PIGU: variants seen among roughly 807,000 people sequenced by gnomAD.
PIGU encodes phosphatidylinositol glycan anchor biosynthesis class U, also known as GPI-anchor transamidase component PIGU.
In PIGU, 24 loss-of-function variants were observed where a neutral mutation model predicts 49.9. The observed-to-expected ratio is 0.48, with a 90% CI of 0.35 to 0.68. The LOEUF (loss-of-function observed/expected upper bound fraction) is 0.68. PIGU is among the 30% of genes least tolerant of loss of function. The pLI, the probability that PIGU is intolerant of heterozygous loss-of-function variation, is 0.01. For synonymous variants in PIGU, 220 were observed against 205.7 expected, an observed-to-expected ratio of 1.07 and a Z score of -0.59; for missense variants, 490 against 532.6, an observed-to-expected ratio of 0.92 and a Z score of 0.79.
chr20:34,589,168 CAT>C (rs1983840805), intron 7 of PIGU, among the ~76,000 whole-genome samples: 2 of 150,288 alleles, frequency 1.3e-5, no homozygotes, highest in Admixed American at 6.6e-5. Flanking sequence ...TTTCATAAAA[CAT>C]AGATTAGAAG....
At chr20:34,596,972 C>T (rs1984224820) in intron 7 of PIGU, among the ~76,000 whole-genome samples, 1 of 152,092 alleles carries the variant, frequency 6.6e-6, no homozygotes, top group Admixed American at 6.6e-5. Context: ...GAATTGCCAA[C>T]ATTAAAAAGA....
rs144583226 is a variant in PIGU, at chr20:34,586,720, G to A, written c.783-1140C>T. Among the ~76,000 whole-genome samples the A allele has an allele frequency of 3.3e-3, 499 of 152,286 alleles. 1 individual carries two copies. Among genetic ancestry groups the A allele is most frequent in the African/African-American group, 0.011 (472 of 41,556 alleles). On this transcript the variant is annotated intron_variant, in intron 8 of 11. Transcript: ENST00000217446. ...AATTCATGAATATAAACTCAGACAA[G>A]CCTGCAATACTCAAGTCCATTTGAG...
intron 7 of PIGU, among the ~76,000 whole-genome samples, chr20:34,612,307 G>A (rs1432714972): frequency 6.6e-6 from 1 of 152,108 alleles, no homozygotes; most frequent in East Asian, 1.9e-4. Flanking sequence ...TGAACAATGG[G>A]AACACATGGA....
At chr20:34,564,768 C>T (rs1231579813) in intron 11 of PIGU, among the ~76,000 whole-genome samples, 2 of 152,186 alleles carry the variant, frequency 1.3e-5, no homozygotes, top group African/African-American at 4.8e-5. Flanking sequence ...GGTGGACTCC[C>T]GCTGGTGGGT....
At position 34,637,819 on chromosome 20, in the gene PIGU, C is replaced by A. The variant is rs1393986459; in HGVS notation, c.428+57G>T. On this transcript the variant is annotated intron_variant, in intron 5 of 11. Coordinates refer to ENST00000217446, the MANE Select transcript of PIGU (RefSeq NM_080476.5). ...TACAACAAACAACATGGGAAAGTCT[C>A]ATCAGATTTTCCTCGCATTTGTTGG... 65 of 1,591,734 alleles carry A rather than the reference C, an allele frequency of 4.1e-5. No homozygotes were observed. The Admixed American group carries it at 1.2e-3, about 29-fold the overall frequency.
chr20:34,588,288 G>A (rs371529400), intron 8 of PIGU, among the ~76,000 whole-genome samples, 165 bp downstream of exon 8: 2 of 152,064 alleles, frequency 1.3e-5, no homozygotes, highest in African/African-American at 4.8e-5. Flanking sequence ...GTAAGTAGCC[G>A]GAAGTGGGAT....
At chr20:34,616,348 C>T (rs148741910) in intron 6 of PIGU, among the ~76,000 whole-genome samples, 139 of 152,308 alleles carry the variant, frequency 9.1e-4, no homozygotes, top group African/African-American at 2.9e-3. Flanking sequence ...TCAAAACCAT[C>T]TACCTTTGGC....
intron 6 of PIGU, among the ~76,000 whole-genome samples, chr20:34,630,334 T>A (rs1985661081): frequency 1.3e-5 from 2 of 151,978 alleles, no homozygotes; most frequent in South Asian, 4.2e-4. Context: ...TTAAATAAAG[T>A]CTCCAGACTG....
At chr20:34,591,130 G>A (rs983971162) in intron 7 of PIGU, among the ~76,000 whole-genome samples, 1 of 151,924 alleles carries the variant, frequency 6.6e-6, no homozygotes, top group Non-Finnish European at 1.5e-5. Flanking sequence ...AGCTAGTGTG[G>A]TTATACTATT....
chr20:34,645,212 G>C (rs1330786282), intron 3 of PIGU, 63 bp downstream of exon 3: 1 of 1,364,086 alleles, frequency 7.3e-7, no homozygotes, highest in South Asian at 1.5e-5. Flanking sequence ...AAGAGAGAGA[G>C]AGACAATAAA....
rs144247620 is a variant in PIGU at position 34,607,765 on chromosome 20, G to A, written c.627+8277C>T. ...CATGAGTACCCCACTAGACATTGCT[G>A]TGGGACTGCACAGAGTTGTGCACAG... On this transcript the variant is annotated intron_variant, in intron 7 of 11. Coordinates refer to ENST00000217446, the MANE Select transcript of PIGU (RefSeq NM_080476.5). 3.1e-3 allele frequency among the ~76,000 whole-genome samples: 453 copies of A among 147,658 alleles called. 2 individuals carry two copies. Among genetic ancestry groups the A allele is most frequent in the African/African-American group, 0.01 (431 of 41,254 alleles).
intron 1 of PIGU, among the ~76,000 whole-genome samples, chr20:34,673,418 C>T (rs532104750): frequency 6.6e-6 from 1 of 152,132 alleles, no homozygotes; most frequent in African/African-American, 2.4e-5. Context: ...GATGTTGTAC[C>T]TTCCCTCCCA....
At chr20:34,629,608 A>G (rs1985624582) in intron 6 of PIGU, among the ~76,000 whole-genome samples, 1 of 152,200 alleles carries the variant, frequency 6.6e-6, no homozygotes, top group South Asian at 2.1e-4. Flanking sequence ...TGACTTACAG[A>G]TGTATGATCT....
At chr20:34,583,881 A>G (rs1013966730) in intron 9 of PIGU, among the ~76,000 whole-genome samples, 2 of 152,238 alleles carry the variant, frequency 1.3e-5, no homozygotes, top group Admixed American at 6.5e-5. Context: ...TGCACAGACC[A>G]TGGAGAATGG....
At chr20:34,583,462 G>A (rs1003130623) in intron 9 of PIGU, among the ~76,000 whole-genome samples, 2 of 152,226 alleles carry the variant, frequency 1.3e-5, no homozygotes, top group African/African-American at 4.8e-5. Context: ...TTCATACCCA[G>A]GCAGAAGAGA....
At chr20:34,625,368 C>CAAA (rs745930230) in intron 6 of PIGU, among the ~76,000 whole-genome samples, 1 of 80,542 alleles carries the variant, frequency 1.2e-5, no homozygotes, top group Non-Finnish European at 2.9e-5. Flanking sequence ...AACTCCATCT[C>CAAA]AAAAAAAAAA....
At chr20:34,653,708 G>GCACTA (rs1986614898) in intron 2 of PIGU, among the ~76,000 whole-genome samples, 2 of 152,216 alleles carry the variant, frequency 1.3e-5, no homozygotes, top group Non-Finnish European at 2.9e-5. Context: ...GTAGGCACTA[G>GCACTA]GAATAAGTGA....
rs1692648425 is a variant in PIGU at position 34,581,551 on chromosome 20, TG to T, written c.1047del (p.Tyr349Ter). On this transcript the variant is annotated frameshift_variant, in exon 10 of 12. Coordinates refer to ENST00000217446, the MANE Select transcript of PIGU (RefSeq NM_080476.5). LOFTEE classifies it high-confidence loss of function. ...TGGCAGAGGCGGGAGTACTCACATC[TG>T]TAGAGATGGTTCCACACGGGGAAGA... ...MAFFPVWNHL[Y>X]RFLRNIFVLT... 2 of 1,612,190 alleles carry T rather than the reference TG, an allele frequency of 1.2e-6. No homozygotes were observed. The highest frequency in any genetic ancestry group is 1.7e-6 in the Non-Finnish European group (2 of 1,179,300).
intron 8 of PIGU, among the ~76,000 whole-genome samples, chr20:34,587,484 T>C (rs988025201): frequency 1.3e-5 from 2 of 152,218 alleles, no homozygotes; most frequent in African/African-American, 4.8e-5. Flanking sequence ...ATATTAAACA[T>C]TGTTTGTGGT....
Sources: gnomAD v4.1 joint callset for allele counts (sites outside exome capture counted in the v4.1 genomes callset) on GRCh38, gnomAD v4.1.1 for gene constraint, MANE v1.5 for transcripts, NCBI Gene and HGNC (gene_info 2026-07-23, HGNC 2026-07-21) for gene names.